The following PATE4 variants were observed in gnomAD, a reference collection of about 807,000 sequenced individuals.
PATE4 encodes prostate and testis expressed protein 4.
Under a neutral mutation model 8.5 loss-of-function variants are expected in PATE4, and 13 were observed. The ratio of observed to expected loss-of-function variants is 1.53; its 90% CI spans 1.00 to 2.43. The LOEUF (loss-of-function observed/expected upper bound fraction) is 2.43. Ranked by LOEUF, PATE4 falls within the 30% of genes most tolerant of loss-of-function variation. The pLI, the probability that PATE4 is intolerant of heterozygous loss-of-function variation, is 0.00. For missense variants in PATE4, 127 were observed against 115.5 expected (o/e 1.10, Z -0.46); for synonymous variants, 47 against 39.3 (o/e 1.20, Z -0.73).
At position 125,837,301 on chromosome 11, in the gene PATE4, C is replaced by A. The variant is rs1943927489; in HGVS notation, c.59-567C>A. ...CTGTCTGCCTGGTTGCAGTTATTCC[C>A]TGAAAAAAGAGAAAGGCCAGACCAA... is the stretch of plus-strand genomic sequence containing the variant. On this transcript the variant is annotated intron_variant, in intron 1 of 2. Coordinates refer to ENST00000457514, the MANE Select transcript of PATE4 (RefSeq NM_001144874.1). 2.0e-5 allele frequency among the ~76,000 whole-genome samples: 3 copies of A among 152,128 alleles called. No individual in the cohort carries two copies. The South Asian group carries it at 6.2e-4, about 32-fold the overall frequency.
At position 125,838,554 on chromosome 11, in the gene PATE4, C is replaced by T; in HGVS notation, c.*127C>T. On this transcript the variant is annotated 3_prime_UTR_variant, in exon 3 of 3. Transcript: ENST00000457514. ...AAGATCCCAGAGAGAGCTGCAGGGG[C>T]TGTCCTCATTGCAATGAAGGGGCTC... 2.5e-6 allele frequency: 3 copies of T among 1,190,690 alleles called. No homozygotes were observed. Among genetic ancestry groups the T allele is most frequent in the African/African-American group, 1.6e-5 (1 of 64,430 alleles). The allele number at this position is 1,190,690 out of a possible 1,614,324, so 73.8% of individuals were successfully genotyped here.
intron 1 of PATE4, among the ~76,000 whole-genome samples, chr11:125,836,738 C>T (rs1234047495): frequency 6.6e-6 from 1 of 152,104 alleles, no homozygotes; most frequent in African/African-American, 2.4e-5. Flanking sequence ...TTGTTTAATG[C>T]CTGTCTCCCC....
chr11:125,834,707 C>A (rs571261361), intron 1 of PATE4, among the ~76,000 whole-genome samples: 2 of 152,208 alleles, frequency 1.3e-5, no homozygotes, highest in South Asian at 2.1e-4. Context: ...TACTCCCACA[C>A]AAATGAAATA....
chr11:125,836,083 T>C (rs923270236), intron 1 of PATE4, among the ~76,000 whole-genome samples: 1 of 151,392 alleles, frequency 6.6e-6, no homozygotes, highest in Non-Finnish European at 1.5e-5. Context: ...CATAAATTAC[T>C]GAACCCAGAT....
Position 125,838,811 on chromosome 11 carries a change from A to G in PATE4, c.*384A>G, listed in dbSNP as rs1943939437. 1 of 171,268 alleles carries G rather than the reference A, an allele frequency of 5.8e-6. No homozygotes were observed. The allele number at this position is 171,268 out of a possible 1,614,324, so 10.6% of individuals were successfully genotyped here. ...TGTGATTAAGGATCTTGAGAAGGGG[A>G]GGTTATCTTGCATTATCTGGGGGGG... is the stretch of plus-strand genomic sequence containing the variant. On this transcript the variant is annotated 3_prime_UTR_variant, in exon 3 of 3. Coordinates refer to ENST00000457514, the MANE Select transcript of PATE4 (RefSeq NM_001144874.1).
At chr11:125,834,602 T>G (rs1943907414) in intron 1 of PATE4, among the ~76,000 whole-genome samples, 1 of 152,186 alleles carries the variant, frequency 6.6e-6, no homozygotes, top group African/African-American at 2.4e-5. Flanking sequence ...TAGTTACATC[T>G]CCTCTGGTGG....
chr11:125,837,925 G>C lies in PATE4; in HGVS notation c.116G>C (p.Gly39Ala). The C allele has an allele frequency of 6.4e-7, 1 of 1,551,630 alleles. No homozygotes were observed. The highest frequency in any genetic ancestry group is 1.2e-5 in the South Asian group (1 of 84,054). ...IYTEGWKCMA[G>A]RGTCIAKENE... ...ACAGAAGGATGGAAGTGTATGGCAG[G>C]CCGAGGCACTTGCATTGCAAAAGAA... is the stretch of plus-strand genomic sequence containing the variant. The change falls in exon 2 of 3, where the codon GGC becomes GCC. Residue 39 changes from glycine to alanine, a missense_variant. By Grantham distance (60) the Gly-to-Ala change is moderately conservative. Transcript: ENST00000457514.
rs988425722 is a variant in PATE4 at position 125,839,225 on chromosome 11, T to C, written c.*798T>C. 6.6e-5 allele frequency: 10 copies of C among 152,188 alleles called. No individual in the cohort carries two copies. Among genetic ancestry groups the C allele is most frequent in the African/African-American group, 2.4e-4 (10 of 41,434 alleles). 9.4% of individuals were successfully genotyped at this position (152,188 alleles called of 1,614,324 possible). ...TACAATCCAAATAAACTTCTAGGAA[T>C]TCAAATCATTGGTAAGCCTGAGTAC... On this transcript the variant is annotated 3_prime_UTR_variant, in exon 3 of 3. Coordinates refer to ENST00000457514, the MANE Select transcript of PATE4 (RefSeq NM_001144874.1).
chr11:125,835,597 T>C (rs567096115), intron 1 of PATE4: 1 of 152,298 alleles, frequency 6.6e-6, no homozygotes, highest in South Asian at 2.1e-4. Flanking sequence ...GACTTGAATA[T>C]TTTTTGTGGG....
chr11:125,838,172 G>A, intron 2 of PATE4, 134 bp from the exon 3 acceptor site: 1 of 1,118,394 alleles, frequency 8.9e-7, no homozygotes, highest in Non-Finnish European at 1.2e-6. Flanking sequence ...AGTTACGGTG[G>A]CGATTGGGAA....
Position 125,838,346 on chromosome 11 carries a change from GT to G in PATE4, c.217del (p.Cys73AlafsTer12), listed in dbSNP as rs1943935567. On this transcript the variant is annotated frameshift_variant, in exon 3 of 3. Coordinates refer to ENST00000457514, the MANE Select transcript of PATE4 (RefSeq NM_001144874.1). LOFTEE classifies it low-confidence loss of function (END_TRUNC). ...ACTCAACACATATGTGTAAGTATAA[GT>G]GCCGGGAAGAGGAGTCCTCCAAAAG... Reference protein sequence around the residue: ...MYSTHMCKYKCREEESSKRGL... With the variant: ...MYSTHMCKYKXREEESSKRGL... 1.9e-6 allele frequency: 3 copies of G among 1,551,336 alleles called. No homozygotes were observed. The highest frequency in any genetic ancestry group is 1.2e-5 in the South Asian group (1 of 84,024).
chr11:125,833,578 GA>G (rs1292898527), intron 1 of PATE4, among the ~76,000 whole-genome samples, 161 bp downstream of exon 1: 1 of 152,086 alleles, frequency 6.6e-6, no homozygotes, highest in East Asian at 1.9e-4. Flanking sequence ...CACTAATCCG[GA>G]AGAAAATGTA....
chr11:125,834,402 A>T (rs187136904), intron 1 of PATE4, among the ~76,000 whole-genome samples: 1 of 152,356 alleles, frequency 6.6e-6, no homozygotes, highest in Non-Finnish European at 1.5e-5. Context: ...CACACAAAAG[A>T]AAATGAAAAT....
At chr11:125,838,198 C>T (rs543928250) in intron 2 of PATE4, 108 bp from the exon 3 acceptor site, 10 of 1,274,718 alleles carry the variant, frequency 7.8e-6, no homozygotes, top group South Asian at 3.1e-5. Context: ...ACCCAGGAGC[C>T]GGGAAGGAGA....
In PATE4 at chr11:125,839,332, A is replaced by G. The variant is rs3862621; in HGVS notation, c.*905A>G. On this transcript the variant is annotated 3_prime_UTR_variant, in exon 3 of 3. Transcript: ENST00000457514. ...CAGGAAGAGAGGAATAACAGAGCAC[A>G]TGCTATGAATAAATGTGGAGATCAA... is the stretch of plus-strand genomic sequence containing the variant. 0.87 allele frequency: 131,759 copies of G among 152,220 alleles called. 57,171 individuals are homozygous for G. The highest frequency in any genetic ancestry group is 1 in the East Asian group (5,166 of 5,178). The allele number at this position is 152,220 out of a possible 1,614,324, so 9.4% of individuals were successfully genotyped here.
Position 125,838,357 on chromosome 11 carries a change from A to G in PATE4, c.227A>G (p.Glu76Gly). ...ATGTGTAAGTATAAGTGCCGGGAAGAGGAGTCCTCCAAAAGAGGCCTGTTG... is the reference window on the plus strand; with the variant it reads ...ATGTGTAAGTATAAGTGCCGGGAAGGGGAGTCCTCCAAAAGAGGCCTGTTG... ...THMCKYKCRE[E>G]ESSKRGLLRV... Residue 76 changes from glutamate to glycine, a missense_variant, in exon 3 of 3, where the codon GAG (glutamate) becomes GGG (glycine). Glu to Gly is a moderately conservative substitution (Grantham distance 98). Coordinates refer to ENST00000457514, the MANE Select transcript of PATE4 (RefSeq NM_001144874.1). The G allele has an allele frequency of 6.4e-7, 1 of 1,551,484 alleles. No homozygotes were observed. The highest frequency in any genetic ancestry group is 8.7e-7 in the Non-Finnish European group (1 of 1,146,860).
intron 2 of PATE4, 100 bp from the exon 3 acceptor site, chr11:125,838,206 A>T: frequency 7.6e-7 from 1 of 1,311,888 alleles, no homozygotes; most frequent in Non-Finnish European, 1.0e-6. Flanking sequence ...GCCGGGAAGG[A>T]GACCCAGTGT....
chr11:125,835,126 T>C (rs1321537852), intron 1 of PATE4: 1 of 152,178 alleles, frequency 6.6e-6, no homozygotes, highest in Non-Finnish European at 1.5e-5. Flanking sequence ...TTTTAGAATG[T>C]TGAAATTGGA....
chr11:125,838,061 C>A, intron 2 of PATE4, 77 bp downstream of exon 2: 1 of 1,199,860 alleles, frequency 8.3e-7, no homozygotes, highest in South Asian at 1.4e-5. Context: ...ATAAAGAACT[C>A]GATATCATTT....
Sources: allele counts gnomAD v4.1 joint callset (sites outside exome capture counted in the v4.1 genomes callset), GRCh38; gene constraint gnomAD v4.1.1; transcripts MANE v1.5; gene names NCBI Gene and HGNC (gene_info 2026-07-23, HGNC 2026-07-21).